POLI: variants seen among roughly 807,000 people sequenced by gnomAD.
The protein encoded by POLI is RAD30 homolog B.
In POLI, 58 loss-of-function variants were observed where a neutral mutation model predicts 51.6. The observed-to-expected ratio is 1.12, with a 90% CI of 0.91 to 1.40. The LOEUF (loss-of-function observed/expected upper bound fraction) is 1.40. Among genes scored for constraint, POLI ranks in the 40% most tolerant of loss-of-function variants. The pLI, the probability that POLI is intolerant of heterozygous loss-of-function variation, is 0.00. For synonymous variants in POLI, 322 were observed against 299.7 expected (o/e 1.07, Z -0.77); for missense variants, 921 against 871.3 (o/e 1.06, Z -0.72).
downstream of POLI, among the ~76,000 whole-genome samples, chr18:54,299,999 TAAAAA>T (rs34407740): frequency 6.8e-6 from 1 of 147,356 alleles, no homozygotes; most frequent in Admixed American, 6.8e-5. Context: ...TTAGATATCT[TAAAAA>T]AAAAAGGAAA....
chr18:54,319,208 C>T (rs1237228230), intron 3 of POLI, among the ~76,000 whole-genome samples: 1 of 152,172 alleles, frequency 6.6e-6, no homozygotes, highest in Non-Finnish European at 1.5e-5. Context: ...GACTCCCAGA[C>T]TTCTTGTGTG....
chr18:54,308,818 C>G (rs554047090), intron 3 of POLI, among the ~76,000 whole-genome samples: 11 of 152,064 alleles, frequency 7.2e-5, no homozygotes, highest in Non-Finnish European at 1.2e-4. Flanking sequence ...CTTTTCACTT[C>G]ATTTCTTTCA....
At chr18:54,278,256 G>A (rs1020667893) in intron 4 of POLI, among the ~76,000 whole-genome samples, 11 of 152,306 alleles carry the variant, frequency 7.2e-5, no homozygotes, top group African/African-American at 2.4e-4. Flanking sequence ...GAACCCAGGA[G>A]TTTGAGTCCA....
rs953777367 is a variant in POLI at position 54,294,807 on chromosome 18, A to G, written c.*340A>G. ...GCCAAATCGTTGCAATGATATGGTA[A>G]AGGACACATTTTTTTTTTTTTTTTC... On this transcript the variant is annotated 3_prime_UTR_variant, in exon 10 of 10. Coordinates refer to ENST00000579534, the MANE Select transcript of POLI (RefSeq NM_007195.3). The G allele has an allele frequency of 2.5e-5, 24 of 967,876 alleles. No homozygotes were observed. The highest frequency in any genetic ancestry group is 2.9e-5 in the Non-Finnish European group (24 of 822,350). The allele number at this position is 967,876 out of a possible 1,614,324, so 60.0% of individuals were successfully genotyped here.
chr18:54,304,334 A>G (rs1400458963), intron 3 of POLI, among the ~76,000 whole-genome samples: 1 of 152,188 alleles, frequency 6.6e-6, no homozygotes, highest in African/African-American at 2.4e-5. Flanking sequence ...AGGAATCACC[A>G]CACTGTCATC....
chr18:54,269,871 C>G (rs566845100), intron 1 of POLI: 1 of 1,322,340 alleles, frequency 7.6e-7, no homozygotes, highest in African/African-American at 1.5e-5. Flanking sequence ...TGGGGCGCGT[C>G]CACACTACAA....
At chr18:54,291,758 C>A in intron 8 of POLI, 75 bp from the exon 9 acceptor site, 1 of 681,816 alleles carries the variant, frequency 1.5e-6, no homozygotes, top group Non-Finnish European at 2.4e-6. Flanking sequence ...ATTTTAATTT[C>A]TTAATCTCAG....
intron 1 of POLI, chr18:54,271,004 AAATC>A (rs1175986959): frequency 6.2e-6 from 1 of 160,824 alleles, no homozygotes; most frequent in Non-Finnish European, 1.4e-5. Context: ...AGCTGTGTGA[AAATC>A]AACGTCATTT....
At chr18:54,274,845 T>G (rs147581524) in intron 3 of POLI, 1 of 152,312 alleles carries the variant, frequency 6.6e-6, no homozygotes, top group Non-Finnish European at 1.5e-5. Flanking sequence ...ATAGCAATTT[T>G]CAGATGACTG....
At chr18:54,305,149 G>T (rs2088560314) in intron 3 of POLI, among the ~76,000 whole-genome samples, 1 of 152,176 alleles carries the variant, frequency 6.6e-6, no homozygotes, top group Non-Finnish European at 1.5e-5. Flanking sequence ...GTACCATGCT[G>T]TTTTGGTTAC....
At chr18:54,300,233 T>A (rs1413507240), downstream of POLI, among the ~76,000 whole-genome samples, 2 of 151,948 alleles carry the variant, frequency 1.3e-5, no homozygotes, top group Non-Finnish European at 2.9e-5. Context: ...AAAACAAAAA[T>A]AAAAATTATT....
chr18:54,270,120 C>A, intron 1 of POLI: 2 of 760,644 alleles, frequency 2.6e-6, no homozygotes, highest in Non-Finnish European at 3.2e-6. Context: ...TCCGGTGACC[C>A]ACTTCCAGCT....
At position 54,281,015 on chromosome 18, in the gene POLI, T is replaced by C. The variant is rs1227149032; in HGVS notation, c.796+112T>C. ...TTAGGTAGAGTTGTCTGTGAGTTTG[T>C]GTGCATGTGTGTGTGTGTGTATACT... On this transcript the variant is annotated intron_variant, in intron 5 of 9. Coordinates refer to ENST00000579534, the MANE Select transcript of POLI (RefSeq NM_007195.3). The C allele has an allele frequency of 4.9e-6, 3 of 618,082 alleles. No individual in the cohort carries two copies. The East Asian group carries it at 8.4e-5, about 17-fold the overall frequency. 38.3% of individuals were successfully genotyped at this position (618,082 alleles called of 1,614,324 possible). A position where few individuals can be genotyped will look rare whatever the true frequency, so the allele number is the denominator to read the frequency against.
At chr18:54,284,118 A>G in intron 7 of POLI, 105 bp downstream of exon 7, 1 of 522,884 alleles carries the variant, frequency 1.9e-6, no homozygotes, top group Non-Finnish European at 3.5e-6. Context: ...GATTATCTGG[A>G]GACTAAACAA....
At position 54,297,843 on chromosome 18, in the gene POLI, T is replaced by G. The variant is rs2088409594; in HGVS notation, c.*3376T>G. On this transcript the variant is annotated 3_prime_UTR_variant, in exon 10 of 10. Coordinates refer to ENST00000579534, the MANE Select transcript of POLI (RefSeq NM_007195.3). The stretch of plus-strand genomic sequence containing the variant: ...TATTAGTATTTTATATAGTCAATGT[T>G]TATTTTTTTGATGGGACATGGTGGG... The G allele has an allele frequency of 1.0e-6, 1 of 978,450 alleles. No homozygotes were observed. The highest frequency in any genetic ancestry group is 1.2e-6 in the Non-Finnish European group (1 of 823,758). 60.6% of individuals were successfully genotyped at this position (978,450 alleles called of 1,614,324 possible).
intron 5 of POLI, among the ~76,000 whole-genome samples, chr18:54,281,876 A>C (rs902792860): frequency 1.3e-5 from 2 of 151,730 alleles, no homozygotes; most frequent in African/African-American, 4.8e-5. Flanking sequence ...ATCTCCTCCA[A>C]CTTACTGCTT....
At chr18:54,280,156 A>C (rs2087432397) in intron 4 of POLI, among the ~76,000 whole-genome samples, 1 of 152,218 alleles carries the variant, frequency 6.6e-6, no homozygotes, top group South Asian at 2.1e-4. Context: ...CTTTAACAGA[A>C]TACCTGAGAC....
intron 7 of POLI, among the ~76,000 whole-genome samples, chr18:54,285,139 T>C (rs1270950777): frequency 6.6e-6 from 1 of 152,224 alleles, no homozygotes; most frequent in Non-Finnish European, 1.5e-5. Flanking sequence ...GCCATGCAGC[T>C]CATTGTTGGC....
Position 54,296,899 on chromosome 18 carries a change from G to A in POLI, c.*2432G>A, listed in dbSNP as rs1328090448. ...ATTTTTGATAATTTCAATATTTTAA[G>A]TCTTTATAAGTCTACATTTAAGGTT... On this transcript the variant is annotated 3_prime_UTR_variant, in exon 10 of 10. Transcript: ENST00000579534. The A allele has an allele frequency of 1.1e-6, 1 of 919,336 alleles. No individual in the cohort carries two copies. The highest frequency in any genetic ancestry group is 1.3e-6 in the Non-Finnish European group (1 of 770,394). The allele number at this position is 919,336 out of a possible 1,614,324, so 56.9% of individuals were successfully genotyped here.
Sources: allele counts gnomAD v4.1 joint callset (sites outside exome capture counted in the v4.1 genomes callset), GRCh38; gene constraint gnomAD v4.1.1; transcripts MANE v1.5; gene names NCBI Gene and HGNC (gene_info 2026-07-23, HGNC 2026-07-21).